Variants in SNX13 observed in about 807,000 individuals in gnomAD.
The protein encoded by SNX13 is sorting nexin-13.
Under a neutral mutation model 133.6 loss-of-function variants are expected in SNX13, and 45 were observed. The ratio of observed to expected loss-of-function variants is 0.34; its 90% CI spans 0.27 to 0.43. The LOEUF is 0.43. SNX13 is among the 20% of genes least tolerant of loss of function. The pLI, the probability that SNX13 is intolerant of heterozygous loss-of-function variation, is 1.00. For synonymous variants in SNX13, 414 were observed against 373.9 expected (o/e 1.11, Z -1.24); for missense variants, 1,032 against 1,145.1 (o/e 0.90, Z 1.43).
At chr7:17,805,255 G>GCGCGCA (rs1554304362) in intron 20 of SNX13, among the ~76,000 whole-genome samples, 10 of 86,764 alleles carry the variant, frequency 1.2e-4, no homozygotes, top group Non-Finnish European at 2.2e-4. Context: ...GTGTGTGCGT[G>GCGCGCA]CGCGCGCGCG....
At chr7:17,801,415 A>AT (rs1465374858) in intron 22 of SNX13, among the ~76,000 whole-genome samples, 173 bp downstream of exon 22, 2 of 151,842 alleles carry the variant, frequency 1.3e-5, no homozygotes, top group African/African-American at 4.8e-5. Context: ...TGATAATCTT[A>AT]TTTTTTGATT....
chr7:17,934,133 T>C lies in SNX13; in HGVS notation c.12+6151A>G, dbSNP rs533784481. ...TTTATTCATTTAATTCCAAATACTT[T>C]TAAAACGTTAAACAGTTTAAGAGCT... On this transcript the variant is annotated intron_variant, in intron 1 of 25. Transcript: ENST00000428135. 5.9e-5 allele frequency among the ~76,000 whole-genome samples: 9 copies of C among 152,346 alleles called. No homozygotes were observed. The South Asian group carries it at 1.7e-3, about 28-fold the overall frequency.
chr7:17,801,011 TATATATATATATATA>T (rs1784556495), intron 22 of SNX13, among the ~76,000 whole-genome samples: 13 of 13,274 alleles, frequency 9.8e-4, no homozygotes, highest in Admixed American at 2.1e-3. Context: ...AAACTGAACA[TATATATATATATATA>T]TATATATATA....
chr7:17,843,690 T>G (rs1245654125), intron 12 of SNX13, among the ~76,000 whole-genome samples: 1 of 152,076 alleles, frequency 6.6e-6, no homozygotes, highest in Non-Finnish European at 1.5e-5. Flanking sequence ...CTCATAAAGT[T>G]TTTAAAAATG....
rs773312939 is a variant in SNX13 at position 17,850,876 on chromosome 7, T to C, written c.926A>G (p.Lys309Arg). ...NIGELEAVRD[K>R]AAEELQYLRS... is the part of the protein sequence containing the mutation. The stretch of plus-strand genomic sequence containing the variant: ...AAGATACTGTAATTCTTCTGCTGCC[T>C]TATCTCTGACTGCTTCTAGCTCTCC... The change falls in exon 10 of 26, where the codon AAG becomes AGG. Residue 309 changes from lysine (K) to arginine (R), a missense_variant. Lys to Arg is a conservative substitution (Grantham distance 26, BLOSUM62 2). Transcript: ENST00000428135. 1 of 1,612,232 alleles carries C rather than the reference T, an allele frequency of 6.2e-7. No individual in the cohort carries two copies. Among genetic ancestry groups the C allele is most frequent in the Non-Finnish European group, 8.5e-7 (1 of 1,179,210 alleles).
intron 1 of SNX13, among the ~76,000 whole-genome samples, chr7:17,926,843 G>A (rs1287250364): frequency 1.3e-5 from 2 of 152,114 alleles, no homozygotes. Context: ...CCGTGTTCGT[G>A]CTACTGCACT....
Position 17,850,808 on chromosome 7 carries a change from A to T in SNX13, c.976+18T>A. On this transcript the variant is annotated intron_variant, in intron 10 of 25. Transcript: ENST00000428135. ...AATACTTCAAAAAAATATATCTTAA[A>T]TTAAATACATTACTTACCATCACCA... The T allele has an allele frequency of 6.6e-7, 1 of 1,519,346 alleles. No homozygotes were observed. The highest frequency in any genetic ancestry group is 8.8e-7 in the Non-Finnish European group (1 of 1,137,006). 94.1% of individuals were successfully genotyped at this position (1,519,346 alleles called of 1,614,324 possible).
intron 1 of SNX13, among the ~76,000 whole-genome samples, chr7:17,919,890 G>T (rs1362996883): frequency 6.6e-6 from 1 of 152,066 alleles, no homozygotes; most frequent in Non-Finnish European, 1.5e-5. Context: ...CAGGACTTTG[G>T]GAGGCCAAGG....
chr7:17,891,090 T>A, intron 4 of SNX13, among the ~76,000 whole-genome samples: 1 of 151,998 alleles, frequency 6.6e-6, no homozygotes, highest in East Asian at 1.9e-4. Flanking sequence ...AGTACACATT[T>A]TTATAATCAT....
At chr7:17,828,036 T>G (rs1788097893) in intron 16 of SNX13, among the ~76,000 whole-genome samples, 1 of 151,792 alleles carries the variant, frequency 6.6e-6, no homozygotes, top group Non-Finnish European at 1.5e-5. Flanking sequence ...AATGTACTTA[T>G]CTCTTTAAAC....
chr7:17,835,723 T>C (rs1451963992), intron 13 of SNX13, among the ~76,000 whole-genome samples: 1 of 151,742 alleles, frequency 6.6e-6, no homozygotes, highest in Non-Finnish European at 1.5e-5. Flanking sequence ...AAAGAACAGG[T>C]AGATAAATCA....
intron 2 of SNX13, among the ~76,000 whole-genome samples, chr7:17,894,542 TA>T (rs773691206): frequency 2.7e-4 from 41 of 152,074 alleles, no homozygotes; most frequent in Non-Finnish European, 5.3e-4. Flanking sequence ...TAAGAAAATA[TA>T]AATGTATCCC....
chr7:17,863,989 T>C (rs1355392279), intron 9 of SNX13, among the ~76,000 whole-genome samples: 2 of 152,198 alleles, frequency 1.3e-5, no homozygotes, highest in African/African-American at 2.4e-5. Flanking sequence ...AGTGCTGAAA[T>C]AGCATAGTGA....
chr7:17,909,305 G>C (rs1022471240), intron 1 of SNX13, among the ~76,000 whole-genome samples: 1 of 152,078 alleles, frequency 6.6e-6, no homozygotes, highest in Admixed American at 6.5e-5. Flanking sequence ...ACTCCTCAAA[G>C]ACTAGAGGCA....
intron 5 of SNX13, among the ~76,000 whole-genome samples, chr7:17,884,040 G>A (rs1186215795): frequency 6.6e-6 from 1 of 152,168 alleles, no homozygotes; most frequent in Non-Finnish European, 1.5e-5. Flanking sequence ...TAAAATCGTT[G>A]CTGTTTGGCT....
intron 2 of SNX13, among the ~76,000 whole-genome samples, chr7:17,894,807 C>T (rs933754231): frequency 6.6e-6 from 1 of 152,154 alleles, no homozygotes; most frequent in South Asian, 2.1e-4. Flanking sequence ...TCAGTCTCAA[C>T]TACTGAAAGG....
At chr7:17,858,426 T>G (rs1393583481) in intron 9 of SNX13, among the ~76,000 whole-genome samples, 1 of 151,886 alleles carries the variant, frequency 6.6e-6, no homozygotes, top group Non-Finnish European at 1.5e-5. Flanking sequence ...TTATAAAAAT[T>G]TATTTTAAAA....
chr7:17,887,051 C>G (rs1187830175), intron 5 of SNX13, among the ~76,000 whole-genome samples: 1 of 150,630 alleles, frequency 6.6e-6, no homozygotes, highest in Non-Finnish European at 1.5e-5. Flanking sequence ...ACAATAATAA[C>G]AGAGAAGTTA....
chr7:17,870,883 G>A (rs1298832903), intron 8 of SNX13, among the ~76,000 whole-genome samples: 1 of 152,174 alleles, frequency 6.6e-6, no homozygotes, highest in African/African-American at 2.4e-5. Flanking sequence ...TAATAACAGG[G>A]AATTATGAGG....
Sources: gnomAD v4.1 joint callset for allele counts (sites outside exome capture counted in the v4.1 genomes callset) on GRCh38, gnomAD v4.1.1 for gene constraint, MANE v1.5 for transcripts, NCBI Gene and HGNC (gene_info 2026-07-23, HGNC 2026-07-21) for gene names.